The following GPC6 variants were observed in gnomAD, a reference collection of about 807,000 sequenced individuals.
GPC6 encodes glypican-6.
Under a neutral mutation model 55.2 loss-of-function variants are expected in GPC6, and 14 were observed. The observed-to-expected ratio is 0.25, with a 90% confidence interval of 0.17 to 0.40. GPC6 has a LOEUF of 0.40. Among genes scored for constraint, GPC6 ranks in the 10% least tolerant of loss-of-function variants. The pLI is 1.00. For synonymous variants in GPC6, 278 were observed against 259.6 expected, an observed-to-expected ratio of 1.07 and a Z score of -0.68; for missense variants, 641 against 708.5, an observed-to-expected ratio of 0.90 and a Z score of 1.08.
At chr13:94,108,243 C>T (rs1886124736) in intron 4 of GPC6, among the ~76,000 whole-genome samples, 1 of 152,056 alleles carries the variant, frequency 6.6e-6, no homozygotes, top group Non-Finnish European at 1.5e-5. Context: ...TCACAGCAAC[C>T]TGGATGAGAT....
intron 3 of GPC6, among the ~76,000 whole-genome samples, chr13:93,926,798 AC>A (rs58969908): frequency 0.86 from 130,545 of 152,054 alleles, 56,233 homozygotes; most frequent in African/African-American, 0.92. Flanking sequence ...GACATCAGGT[AC>A]CCCCTCAACT....
Position 94,037,321 on chromosome 13 carries a change from A to G in GPC6, c.877+9427A>G, listed in dbSNP as rs377458079. On this transcript the variant is annotated intron_variant, in intron 4 of 8. Transcript: ENST00000377047. ...TAACATGTGCCTAATACCACACTTT[A>G]TTAATTAAAGATCCAGATATGCGCT... is the stretch of plus-strand genomic sequence containing the variant. 8.6e-5 allele frequency among the ~76,000 whole-genome samples: 13 copies of G among 151,982 alleles called. No homozygotes were observed. In the East Asian group the frequency reaches 2.5e-3, roughly 29 times the overall value.
intron 4 of GPC6, among the ~76,000 whole-genome samples, chr13:94,100,589 T>C (rs1885820964): frequency 6.6e-6 from 1 of 152,144 alleles, no homozygotes; most frequent in African/African-American, 2.4e-5. Flanking sequence ...AGTTCAGTGT[T>C]TGGATGGTCA....
At chr13:93,221,876 C>G (rs1401386086), upstream of GPC6, among the ~76,000 whole-genome samples, 1 of 152,100 alleles carries the variant, frequency 6.6e-6, no homozygotes, top group Non-Finnish European at 1.5e-5. Context: ...CTCCTGTTTT[C>G]CTAAGATTTT....
At chr13:93,773,784 T>C (rs1885376548) in intron 2 of GPC6, among the ~76,000 whole-genome samples, 2 of 152,206 alleles carry the variant, frequency 1.3e-5, no homozygotes, top group Non-Finnish European at 2.9e-5. Flanking sequence ...ATAACAAGCA[T>C]TGAGTCTTAC....
chr13:94,359,940 G>A (rs2139179212), intron 6 of GPC6, among the ~76,000 whole-genome samples: 1 of 152,302 alleles, frequency 6.6e-6, no homozygotes, highest in Non-Finnish European at 1.5e-5. Context: ...GCAGGGTGGT[G>A]AAAATTTTGT....
chr13:93,290,553 T>G (rs532281620), intron 1 of GPC6, among the ~76,000 whole-genome samples: 2 of 152,164 alleles, frequency 1.3e-5, no homozygotes, highest in Non-Finnish European at 2.9e-5. Context: ...TGATCTTTGA[T>G]GTATCTGATT....
chr13:93,666,944 C>G (rs1322264853), intron 2 of GPC6, among the ~76,000 whole-genome samples: 3 of 151,978 alleles, frequency 2.0e-5, no homozygotes, highest in African/African-American at 7.2e-5. Flanking sequence ...ATATAACTTT[C>G]TTTTGAAGAC....
At chr13:93,538,935 T>TA (rs1340322930) in intron 1 of GPC6, among the ~76,000 whole-genome samples, 1 of 152,088 alleles carries the variant, frequency 6.6e-6, no homozygotes, top group Non-Finnish European at 1.5e-5. Context: ...ATTCTTTTTT[T>TA]TTTTTTATTA....
At chr13:94,386,469 A>G (rs191191751) in intron 7 of GPC6, among the ~76,000 whole-genome samples, 157 of 152,296 alleles carry the variant, frequency 1.0e-3, no homozygotes, top group African/African-American at 3.7e-3. Flanking sequence ...AGGCGCCTAT[A>G]ATCTTAACTA....
intron 2 of GPC6, among the ~76,000 whole-genome samples, chr13:93,633,977 A>G (rs1410840849): frequency 1.3e-5 from 2 of 152,182 alleles, no homozygotes. Flanking sequence ...ATCAAAGAGT[A>G]GTTTTTAAGT....
At chr13:94,302,218 A>G (rs1053021120) in intron 5 of GPC6, among the ~76,000 whole-genome samples, 2 of 152,172 alleles carry the variant, frequency 1.3e-5, no homozygotes, top group African/African-American at 4.8e-5. Context: ...TATTTGTCAC[A>G]TTTCTGGAGG....
chr13:94,147,882 G>C (rs774484662), intron 4 of GPC6, among the ~76,000 whole-genome samples: 13 of 152,124 alleles, frequency 8.5e-5, no homozygotes, highest in Non-Finnish European at 2.9e-5. Flanking sequence ...AAAAAAAGTG[G>C]ACCCATGAAA....
rs1428167818 is a variant in GPC6, at chr13:93,464,246, GA to G, written c.161-81016del. On this transcript the variant is annotated intron_variant, in intron 1 of 8. Coordinates refer to ENST00000377047, the MANE Select transcript of GPC6 (RefSeq NM_005708.5). Reference sequence around the variant, plus strand: ...AGTTGCTGAAAGTTGGGGTGAATGTGACAATTGCCTTAAATAAGACAACAGT... The same window carrying G: ...AGTTGCTGAAAGTTGGGGTGAATGTGCAATTGCCTTAAATAAGACAACAGT... Among the ~76,000 whole-genome samples the G allele has an allele frequency of 2.0e-5, 3 of 152,138 alleles. No homozygotes were observed. The East Asian group carries it at 5.8e-4, about 29-fold the overall frequency.
At chr13:93,492,811 T>G (rs1322155821) in intron 1 of GPC6, among the ~76,000 whole-genome samples, 1 of 150,954 alleles carries the variant, frequency 6.6e-6, no homozygotes, top group Non-Finnish European at 1.5e-5. Flanking sequence ...TCTGTTTATA[T>G]GCTGGATTAC....
chr13:94,105,795 A>G (rs114374495), intron 4 of GPC6, among the ~76,000 whole-genome samples: 25 of 152,202 alleles, frequency 1.6e-4, no homozygotes, highest in Admixed American at 1.5e-3. Flanking sequence ...CTTTACCGGG[A>G]CAGTTTTGCC....
intron 2 of GPC6, among the ~76,000 whole-genome samples, chr13:93,749,921 G>C (rs530166352): frequency 6.6e-6 from 1 of 152,028 alleles, no homozygotes; most frequent in Non-Finnish European, 1.5e-5. Flanking sequence ...CCATTTATTG[G>C]GGTATTCTAA....
At chr13:93,755,623 G>A (rs1884740769) in intron 2 of GPC6, among the ~76,000 whole-genome samples, 1 of 152,114 alleles carries the variant, frequency 6.6e-6, no homozygotes, top group South Asian at 2.1e-4. Flanking sequence ...AGAACGTTGG[G>A]CATTTGAAGT....
Position 93,612,840 on chromosome 13 carries a change from T to C in GPC6, c.319+67419T>C, listed in dbSNP as rs576401651. 5.4e-4 allele frequency among the ~76,000 whole-genome samples: 82 copies of C among 152,306 alleles called. 1 individual carries two copies. The South Asian group carries it at 0.016, about 30-fold the overall frequency. On this transcript the variant is annotated intron_variant, in intron 2 of 8. Transcript: ENST00000377047. ...GCAAAGGTATTCGTATGTGTGTCAA[T>C]TGTTGAACTTGGTTGTTTATACATT...
Sources: allele counts gnomAD v4.1 joint callset (sites outside exome capture counted in the v4.1 genomes callset), GRCh38; gene constraint gnomAD v4.1.1; transcripts MANE v1.5; gene names NCBI Gene and HGNC (gene_info 2026-07-23, HGNC 2026-07-21).